The following SYCP3 variants were observed in gnomAD, a reference collection of about 807,000 sequenced individuals.
The protein encoded by SYCP3 is synaptonemal complex protein 3.
Under a neutral mutation model 38.5 loss-of-function variants are expected in SYCP3, and 29 were observed. The ratio of observed to expected loss-of-function variants is 0.75; its 90% CI spans 0.56 to 1.03. The LOEUF (loss-of-function observed/expected upper bound fraction) is 1.03. Ranked by LOEUF, SYCP3 falls within the 50% of genes least tolerant of loss-of-function variation. The probability of loss-of-function intolerance (pLI) is 0.00; values close to 1 mark genes in which losing one functional copy is unlikely to be tolerated. For synonymous variants in SYCP3, 79 were observed against 80.3 expected (o/e 0.98, Z 0.08); for missense variants, 242 against 270.7 (o/e 0.89, Z 0.74).
At chr12:101,732,037 G>T (rs760996357) in intron 6 of SYCP3, 15 of 203,570 alleles carry the variant, frequency 7.4e-5, no homozygotes, top group Non-Finnish European at 1.1e-4. Flanking sequence ...CCTAGATTTT[G>T]TCATTACTAA....
chr12:101,736,969 T>C, intron 4 of SYCP3, 68 bp downstream of exon 4: 2 of 1,445,236 alleles, frequency 1.4e-6, no homozygotes, highest in Non-Finnish European at 1.9e-6. Flanking sequence ...ATTATTAACA[T>C]TTGTTATTAT....
chr12:101,735,208 C>CT lies in SYCP3; in HGVS notation c.236-165dup, dbSNP rs111799782. On this transcript the variant is annotated intron_variant, in intron 4 of 8. Coordinates refer to ENST00000392924, the MANE Select transcript of SYCP3 (RefSeq NM_001177949.2). The stretch of plus-strand genomic sequence containing the variant: ...TTCAAAATGCAGAATTGTTTGCTTA[C>CT]TTTTTTTTTCTGAGAAAACTCTCAG... Among the ~76,000 whole-genome samples the CT allele has an allele frequency of 6.9e-3, 1,050 of 151,606 alleles. 9 individuals are homozygous for CT. The highest frequency in any genetic ancestry group is 0.024 in the Admixed American group (369 of 15,224).
chr12:101,739,420 A>C lies in SYCP3; in HGVS notation c.-87T>G. On this transcript the variant is annotated 5_prime_UTR_variant, in exon 1 of 9. Coordinates refer to ENST00000392924, the MANE Select transcript of SYCP3 (RefSeq NM_001177949.2). ...CAGGCGTCCTCCACAACTCCTCCACAAGCGCGCTTCACCTGAGGTGGCCCC... is the reference window on the plus strand; with the variant it reads ...CAGGCGTCCTCCACAACTCCTCCACCAGCGCGCTTCACCTGAGGTGGCCCC... The C allele has an allele frequency of 1.0e-6, 1 of 1,002,706 alleles. No individual in the cohort carries two copies. The highest frequency in any genetic ancestry group is 1.2e-6 in the Non-Finnish European group (1 of 830,350). The allele number at this position is 1,002,706 out of a possible 1,614,324, so 62.1% of individuals were successfully genotyped here. A position where few individuals can be genotyped will look rare whatever the true frequency, so the allele number is the denominator to read the frequency against.
Position 101,737,838 on chromosome 12 carries a change from T to C in SYCP3, c.98A>G (p.Lys33Arg), listed in dbSNP as rs768801425. The C allele has an allele frequency of 1.9e-6, 3 of 1,614,204 alleles. No individual in the cohort carries two copies. In the South Asian group the frequency reaches 3.3e-5, roughly 18 times the overall value. Residue 33 changes from lysine to arginine, a missense_variant, in exon 2 of 9, where the codon AAA (lysine) becomes AGA (arginine). By Grantham distance (26) the Lys-to-Arg change is conservative. Coordinates refer to ENST00000392924, the MANE Select transcript of SYCP3 (RefSeq NM_001177949.2). ...RAYDFETEDK[K>R]DLSGSEEDVI... is the part of the protein sequence containing the mutation. Reference sequence around the variant, plus strand: ...ATCTTCCTCTGATCCACTCAGATCTTTCTTATCTTCAGTCTCAAAGTCATA... The same window carrying C: ...ATCTTCCTCTGATCCACTCAGATCTCTCTTATCTTCAGTCTCAAAGTCATA...
intron 7 of SYCP3, chr12:101,729,649 T>C (rs1457856101): frequency 6.3e-6 from 1 of 159,620 alleles, no homozygotes; most frequent in African/African-American, 2.4e-5. Flanking sequence ...CTTACGTCTT[T>C]ATTATTCATT....
Position 101,731,682 on chromosome 12 carries a change from A to G in SYCP3, c.454-16T>C, listed in dbSNP as rs991090933. On this transcript the variant is annotated splice_polypyrimidine_tract_variant and intron_variant, in intron 6 of 8. Transcript: ENST00000392924. Reference sequence around the variant, plus strand: ...GAAACATATTCTACAAATATAAAAGAAAAAAAACTGTGTAATAACAATTTG... The same window carrying G: ...GAAACATATTCTACAAATATAAAAGGAAAAAAACTGTGTAATAACAATTTG... The G allele has an allele frequency of 6.5e-7, 1 of 1,546,744 alleles. No homozygotes were observed.
rs773677610 is a variant in SYCP3 at position 101,731,698 on chromosome 12, TAAC to T, written c.454-35_454-33del. ...ATATAAAAGAAAAAAAACTGTGTAA[TAAC>T]AATTTGGGTAAAATTTTAAATTTAG... On this transcript the variant is annotated intron_variant, in intron 6 of 8. Coordinates refer to ENST00000392924, the MANE Select transcript of SYCP3 (RefSeq NM_001177949.2). The T allele has an allele frequency of 2.0e-5, 29 of 1,475,512 alleles. No individual in the cohort carries two copies. In the East Asian group the frequency reaches 3.7e-4, roughly 19 times the overall value. 91.4% of individuals were successfully genotyped at this position (1,475,512 alleles called of 1,614,324 possible). A position where few individuals can be genotyped will look rare whatever the true frequency, so the allele number is the denominator to read the frequency against.
chr12:101,729,395 G>C lies in SYCP3; in HGVS notation c.553-182C>G, dbSNP rs1370115386. ...ACCTACTAAAAAAGAAAAAATATAA[G>C]ACATGAATAAAATGTTATAGGAAGT... On this transcript the variant is annotated intron_variant, in intron 7 of 8. Coordinates refer to ENST00000392924, the MANE Select transcript of SYCP3 (RefSeq NM_001177949.2). The C allele has an allele frequency of 4.9e-6, 3 of 618,552 alleles. No individual in the cohort carries two copies. The African/African-American group carries it at 5.6e-5, about 11-fold the overall frequency. 38.3% of individuals were successfully genotyped at this position (618,552 alleles called of 1,614,324 possible).
chr12:101,739,085 C>T (rs866116831), intron 1 of SYCP3, among the ~76,000 whole-genome samples: 11 of 152,316 alleles, frequency 7.2e-5, no homozygotes, highest in Middle Eastern at 3.4e-3. Flanking sequence ...AGGAGGGAGA[C>T]GCGCGGAGCG....
chr12:101,731,420 T>C, intron 7 of SYCP3, 148 bp downstream of exon 7: 1 of 480,578 alleles, frequency 2.1e-6, no homozygotes, highest in Non-Finnish European at 3.5e-6. Flanking sequence ...AATATATTTA[T>C]CACTTAAATC....
At chr12:101,731,714 A>G (rs777259796) in intron 6 of SYCP3, 48 bp from the exon 7 acceptor site, 2 of 1,358,926 alleles carry the variant, frequency 1.5e-6, no homozygotes, top group Non-Finnish European at 2.0e-6. Flanking sequence ...TTTGGGTAAA[A>G]TTTTAAATTT....
intron 7 of SYCP3, chr12:101,729,667 C>T (rs1026980811): frequency 7.0e-5 from 11 of 158,136 alleles, no homozygotes; most frequent in Admixed American, 2.5e-4. Context: ...ATTCAACAAA[C>T]AGTTAATCTG....
intron 4 of SYCP3, among the ~76,000 whole-genome samples, chr12:101,735,711 T>C (rs894317106): frequency 5.3e-5 from 8 of 150,962 alleles, no homozygotes; most frequent in Non-Finnish European, 1.2e-4. Flanking sequence ...ATTTATAAAA[T>C]ACACCCCAAT....
chr12:101,734,170 G>A (rs1467039729), intron 5 of SYCP3, among the ~76,000 whole-genome samples: 2 of 152,198 alleles, frequency 1.3e-5, no homozygotes, highest in Non-Finnish European at 2.9e-5. Context: ...CAAGATTGGT[G>A]TTCTTCTACA....
At chr12:101,731,980 G>A in intron 6 of SYCP3, 1 of 248,828 alleles carries the variant, frequency 4.0e-6, no homozygotes, top group South Asian at 5.1e-5. Context: ...GTTTCTCAAT[G>A]ATTTTGGCCT....
Position 101,728,888 on chromosome 12 carries a change from T to G in SYCP3, c.*39A>C. ...CTTCTTAGCTAACGTTATAATTGTA[T>G]CATATTACTTAGGTTCAAGTTCTTT... is the stretch of plus-strand genomic sequence containing the variant. On this transcript the variant is annotated 3_prime_UTR_variant, in exon 9 of 9. Coordinates refer to ENST00000392924, the MANE Select transcript of SYCP3 (RefSeq NM_001177949.2). 1 of 1,612,710 alleles carries G rather than the reference T, an allele frequency of 6.2e-7. No homozygotes were observed.
At chr12:101,738,976 C>T (rs978119558) in intron 1 of SYCP3, among the ~76,000 whole-genome samples, 2 of 152,216 alleles carry the variant, frequency 1.3e-5, no homozygotes, top group East Asian at 3.9e-4. Flanking sequence ...ATAATAAAAA[C>T]GTCCCGCAAT....
Position 101,736,998 on chromosome 12 carries a change from A to T in SYCP3, c.235+39T>A, listed in dbSNP as rs569259225. 3.7e-6 allele frequency: 6 copies of T among 1,603,986 alleles called. No individual in the cohort carries two copies. In the African/African-American group the frequency reaches 8.0e-5, roughly 21 times the overall value. ...TTATTATACAAATTATATGGCTTAA[A>T]ACAATTTTCTTTAAATACAAGTATC... On this transcript the variant is annotated intron_variant, in intron 4 of 8. Transcript: ENST00000392924.
chr12:101,735,508 A>G (rs906134939), intron 4 of SYCP3, among the ~76,000 whole-genome samples: 3 of 152,010 alleles, frequency 2.0e-5, no homozygotes, highest in African/African-American at 7.3e-5. Flanking sequence ...TAAAAATACA[A>G]AAATTAGCTG....
Sources: allele counts gnomAD v4.1 joint callset (sites outside exome capture counted in the v4.1 genomes callset), GRCh38; gene constraint gnomAD v4.1.1; transcripts MANE v1.5; gene names NCBI Gene and HGNC (gene_info 2026-07-23, HGNC 2026-07-21).